RIC1: variants seen among roughly 807,000 people sequenced by gnomAD.
RIC1 encodes guanine nucleotide exchange factor subunit RIC1.
Under a neutral mutation model 169.0 loss-of-function variants are expected in RIC1, and 88 were observed. The observed-to-expected ratio is 0.52, with a 90% confidence interval of 0.44 to 0.62. The LOEUF is 0.62. Among genes scored for constraint, RIC1 ranks in the 20% least tolerant of loss-of-function variants. RIC1 has a pLI of 0.00. For synonymous variants in RIC1, 790 were observed against 601.5 expected (o/e 1.31, Z -4.59); for missense variants, 1,877 against 1,725.5 (o/e 1.09, Z -1.56).
chr9:5,761,771 G>T (rs1174728004), intron 17 of RIC1, among the ~76,000 whole-genome samples: 1 of 152,114 alleles, frequency 6.6e-6, no homozygotes, highest in African/African-American at 2.4e-5. Context: ...TTAAAACAGG[G>T]CTGCTCAAAG....
At chr9:5,641,900 C>G (rs1212824648) in intron 1 of RIC1, among the ~76,000 whole-genome samples, 1 of 144,370 alleles carries the variant, frequency 6.9e-6, no homozygotes, top group Non-Finnish European at 1.5e-5. Context: ...ATATCTATCT[C>G]TGTTTTTCCA....
chr9:5,689,466 G>A (rs533419869), intron 2 of RIC1, among the ~76,000 whole-genome samples: 84 of 152,272 alleles, frequency 5.5e-4, no homozygotes, highest in Middle Eastern at 3.4e-3. Context: ...GCTATATTTT[G>A]TAGTAAATCA....
rs77910531 is a variant in RIC1, at chr9:5,690,724, A to C, written c.332+686A>C. 6.2e-3 allele frequency among the ~76,000 whole-genome samples: 947 copies of C among 152,052 alleles called. 17 individuals are homozygous for C. The highest frequency in any genetic ancestry group is 0.022 in the African/African-American group (904 of 41,554). ...AGTTTAAATTTTTGAATATTAACAGAAAAAAAGAAAAACATTAACAGCAAA... is the reference window on the plus strand; with the variant it reads ...AGTTTAAATTTTTGAATATTAACAGCAAAAAAGAAAAACATTAACAGCAAA... On this transcript the variant is annotated intron_variant, in intron 3 of 25. Coordinates refer to ENST00000414202, the MANE Select transcript of RIC1 (RefSeq NM_020829.4).
chr9:5,695,471 A>G (rs920807873), intron 3 of RIC1, among the ~76,000 whole-genome samples: 3 of 151,842 alleles, frequency 2.0e-5, no homozygotes, highest in Admixed American at 6.6e-5. Context: ...CCAGTCTAGT[A>G]TATTCTACCT....
At chr9:5,764,973 C>T (rs964145909) in intron 19 of RIC1, 12 of 153,830 alleles carry the variant, frequency 7.8e-5, no homozygotes, top group African/African-American at 2.9e-4. Flanking sequence ...CTTGCTATTG[C>T]CCAAAGCAAA....
At chr9:5,778,242 G>T (rs1827685957), downstream of RIC1, among the ~76,000 whole-genome samples, 1 of 152,112 alleles carries the variant, frequency 6.6e-6, no homozygotes, top group Non-Finnish European at 1.5e-5. Context: ...AAATACAATT[G>T]CTTCTGTATA....
At chr9:5,694,931 T>C (rs1310918703) in intron 3 of RIC1, among the ~76,000 whole-genome samples, 1 of 152,128 alleles carries the variant, frequency 6.6e-6, no homozygotes, top group African/African-American at 2.4e-5. Context: ...TAGGCACTGT[T>C]GTAGATACTA....
At chr9:5,688,282 A>G (rs1230829073) in intron 2 of RIC1, among the ~76,000 whole-genome samples, 2 of 152,168 alleles carry the variant, frequency 1.3e-5, no homozygotes, top group Admixed American at 6.5e-5. Flanking sequence ...GCTTTGTCTT[A>G]GTGCGCCTTC....
chr9:5,635,296 A>G (rs1293210616), intron 1 of RIC1, among the ~76,000 whole-genome samples: 4 of 151,886 alleles, frequency 2.6e-5, no homozygotes, highest in East Asian at 1.9e-4. Context: ...CATTTTTTCT[A>G]TTTTTTGTAC....
At chr9:5,778,275 C>A (rs548741994), downstream of RIC1, among the ~76,000 whole-genome samples, 1 of 152,290 alleles carries the variant, frequency 6.6e-6, no homozygotes, top group Admixed American at 6.5e-5. Context: ...CATGCAACAT[C>A]AAACTTTTTC....
chr9:5,709,304 T>C (rs1822789752), intron 3 of RIC1, among the ~76,000 whole-genome samples: 1 of 152,170 alleles, frequency 6.6e-6, no homozygotes, highest in Admixed American at 6.5e-5. Flanking sequence ...CCCCAATCCA[T>C]TCCTTAGCAT....
intron 1 of RIC1, among the ~76,000 whole-genome samples, chr9:5,651,878 AT>A (rs1818820919): frequency 1.3e-5 from 2 of 152,148 alleles, no homozygotes; most frequent in Admixed American, 1.3e-4. Context: ...TCTTTAATCT[AT>A]TTTGAAATGA....
At chr9:5,645,561 C>A (rs1259614825) in intron 1 of RIC1, among the ~76,000 whole-genome samples, 1 of 152,182 alleles carries the variant, frequency 6.6e-6, no homozygotes, top group Non-Finnish European at 1.5e-5. Context: ...CTGGTTTTCT[C>A]ATCCCATCAG....
chr9:5,708,765 A>AG (rs1822753629), intron 3 of RIC1, among the ~76,000 whole-genome samples: 1 of 152,122 alleles, frequency 6.6e-6, no homozygotes, highest in Non-Finnish European at 1.5e-5. Flanking sequence ...CTTGGAAGAA[A>AG]GACTCTTGGC....
At chr9:5,710,300 G>A (rs908070633) in intron 3 of RIC1, among the ~76,000 whole-genome samples, 3 of 152,190 alleles carry the variant, frequency 2.0e-5, no homozygotes, top group African/African-American at 7.2e-5. Context: ...GAAATATACT[G>A]TCTGGTTTAA....
At chr9:5,747,232 C>G in intron 11 of RIC1, 70 bp from the exon 12 acceptor site, 2 of 1,150,650 alleles carry the variant, frequency 1.7e-6, no homozygotes, top group South Asian at 1.3e-5. Context: ...GTTATTTTTG[C>G]CTGCGTAATA....
Position 5,756,293 on chromosome 9 carries a change from A to T in RIC1, c.1774A>T (p.Ser592Cys). 1.2e-6 allele frequency: 2 copies of T among 1,604,692 alleles called. No homozygotes were observed. The highest frequency in any genetic ancestry group is 1.7e-6 in the Non-Finnish European group (2 of 1,173,912). ...TKAQAETLLL[S>C]VFQDMVIVFR... ...AGCACAAGCAGAAACATTACTGCTT[A>T]GTGTCTTCCAGGACATGGTAATAGT... The change falls in exon 16 of 26, where the codon AGT (serine) becomes TGT (cysteine). Residue 592 changes from serine to cysteine, a missense_variant. By Grantham distance (112) the Ser-to-Cys change is moderately radical. Coordinates refer to ENST00000414202, the MANE Select transcript of RIC1 (RefSeq NM_020829.4).
chr9:5,685,714 G>C (rs1369727457), intron 2 of RIC1, among the ~76,000 whole-genome samples: 1 of 150,898 alleles, frequency 6.6e-6, no homozygotes, highest in Non-Finnish European at 1.5e-5. Context: ...ACATAGGCAT[G>C]GGCAAGGACT....
rs899945984 is a variant in RIC1, at chr9:5,685,810, A to C, written c.253-4149A>C. On this transcript the variant is annotated intron_variant, in intron 2 of 25. Transcript: ENST00000414202. ...TTCAACTAAAGAGCTTCTGCACAGC[A>C]AAAGAAACTACCATCAGAGTGAACA... Among the ~76,000 whole-genome samples the C allele has an allele frequency of 2.1e-4, 29 of 138,864 alleles. 1 individual carries two copies. The allele number at this position is 138,864 out of a possible 152,430, so 91.1% of individuals were successfully genotyped here.
Sources: allele counts gnomAD v4.1 joint callset (sites outside exome capture counted in the v4.1 genomes callset), GRCh38; gene constraint gnomAD v4.1.1; transcripts MANE v1.5; gene names NCBI Gene and HGNC (gene_info 2026-07-23, HGNC 2026-07-21).